Variants in GRIK1 observed in about 807,000 individuals in gnomAD.
The protein encoded by GRIK1 is glutamate ionotropic receptor kainate type subunit 1.
A neutral mutation model predicts 105.7 loss-of-function variants in GRIK1; 69 were observed. The observed-to-expected ratio is 0.65, with a 90% CI of 0.54 to 0.80. The LOEUF is 0.80. GRIK1 is among the 30% of genes least tolerant of loss of function. GRIK1 has a pLI of 0.00. For missense variants in GRIK1, 1,109 were observed against 1,167.3 expected (o/e 0.95, Z 0.73); for synonymous variants, 438 against 431.3 (o/e 1.02, Z -0.19).
chr21:29,742,735 G>A (rs1241384419), intron 1 of GRIK1, among the ~76,000 whole-genome samples: 1 of 152,148 alleles, frequency 6.6e-6, no homozygotes, highest in African/African-American at 2.4e-5. Context: ...TCTAGTACTT[G>A]TATGGTTTCA....
intron 3 of GRIK1, among the ~76,000 whole-genome samples, chr21:29,686,834 A>G (rs573737732): frequency 5.0e-4 from 76 of 152,190 alleles, no homozygotes; most frequent in Non-Finnish European, 9.1e-4. Context: ...CACACACTGC[A>G]GTTGAGGCTC....
rs151307524 is a variant in GRIK1 at position 29,758,568 on chromosome 21, G to A, written c.119-64505C>T. Among the ~76,000 whole-genome samples the A allele has an allele frequency of 8.3e-3, 1,268 of 152,170 alleles. 21 individuals carry two copies. Among genetic ancestry groups the A allele is most frequent in the African/African-American group, 0.029 (1,186 of 41,500 alleles). ...TGCAATTCAAGATGAGATTTGGGTG[G>A]GCACACAGCCAAACCATATCACAGG... On this transcript the variant is annotated intron_variant, in intron 1 of 17. Transcript: ENST00000327783.
chr21:29,930,413 A>G (rs1040628646), intron 1 of GRIK1, among the ~76,000 whole-genome samples: 2 of 152,186 alleles, frequency 1.3e-5, no homozygotes, highest in Non-Finnish European at 2.9e-5. Context: ...GAGTCCTCAC[A>G]ATGAAAGAAA....
rs533773624 is a variant in GRIK1, at chr21:29,924,296, C to T, written c.118+15087G>A. On this transcript the variant is annotated intron_variant, in intron 1 of 17. Transcript: ENST00000327783. ...ACGTTGCAGTGAGCCGAGATCATGC[C>T]ACTGCACTCCAGCCTGGGCAACACA... Among the ~76,000 whole-genome samples, 19 of 148,920 alleles carry T rather than the reference C, an allele frequency of 1.3e-4. No individual in the cohort carries two copies. The East Asian group carries it at 3.8e-3, about 29-fold the overall frequency.
At chr21:29,597,083 T>G (rs1160758188) in intron 8 of GRIK1, among the ~76,000 whole-genome samples, 2 of 152,116 alleles carry the variant, frequency 1.3e-5, no homozygotes, top group African/African-American at 2.4e-5. Context: ...GAATGGGATT[T>G]TTCTAATAAT....
At chr21:29,540,378 T>C (rs545889906) in intron 16 of GRIK1, among the ~76,000 whole-genome samples, 2 of 152,308 alleles carry the variant, frequency 1.3e-5, no homozygotes, top group East Asian at 3.9e-4. Context: ...TTCTTTTTGA[T>C]TCTCACTTTG....
At chr21:29,780,880 G>T (rs2066078579) in intron 1 of GRIK1, among the ~76,000 whole-genome samples, 1 of 152,120 alleles carries the variant, frequency 6.6e-6, no homozygotes. Context: ...TTATATGAAA[G>T]ACATGTCAGG....
intron 7 of GRIK1, among the ~76,000 whole-genome samples, chr21:29,640,681 G>A (rs1047643903): frequency 1.4e-4 from 21 of 152,048 alleles, no homozygotes; most frequent in African/African-American, 5.1e-4. Context: ...AAGGTGTCTT[G>A]GGGGCTCTTG....
Position 29,694,012 on chromosome 21 carries a change from G to GCTAATTCT in GRIK1, c.162_169dup (p.Ala57GlufsTer3). On this transcript the variant is annotated stop_gained and frameshift_variant, in exon 2 of 18. Transcript: ENST00000327783. LOFTEE classifies it high-confidence loss of function. Reference sequence around the variant, plus strand: ...AATGCTGGTGACTGCAAACTTGAAAGCTAATTCTTCAACATTAACAGGCTC... The same window carrying GCTAATTCT: ...AATGCTGGTGACTGCAAACTTGAAAGCTAATTCTCTAATTCTTCAACATTAACAGGCTC... 2 of 1,612,292 alleles carry GCTAATTCT rather than the reference G, an allele frequency of 1.2e-6. No homozygotes were observed. Among genetic ancestry groups the GCTAATTCT allele is most frequent in the Non-Finnish European group, 1.7e-6 (2 of 1,178,572 alleles).
chr21:29,640,524 G>T (rs1363035522), intron 7 of GRIK1, among the ~76,000 whole-genome samples: 1 of 152,164 alleles, frequency 6.6e-6, no homozygotes, highest in Non-Finnish European at 1.5e-5. Flanking sequence ...GATTAAAAAT[G>T]AGAGATTTGC....
In GRIK1 at chr21:29,651,236, C is replaced by G; in HGVS notation, c.836G>C (p.Gly279Ala). Reference sequence around the variant, plus strand: ...GTTGTCAATGTTAAGCAGCCGAAACCCGGTCATGTTTACGCCACTGTACCT... The same window carrying G: ...GTTGTCAATGTTAAGCAGCCGAAACGCGGTCATGTTTACGCCACTGTACCT... Reference protein sequence around the residue: ...LYRYSGVNMTGFRLLNIDNPH... With the variant: ...LYRYSGVNMTAFRLLNIDNPH... The change falls in exon 6 of 18, where the codon GGG (glycine) becomes GCG (alanine). Residue 279 changes from glycine (G) to alanine (A), a missense_variant. Physicochemically the swap from Gly to Ala is moderately conservative, Grantham distance 60 (BLOSUM62 0). This residue lies in a region of GRIK1 where 612 missense variants were observed against 586.0 expected (regional missense o/e 1.04). Coordinates refer to ENST00000327783, the MANE Select transcript of GRIK1 (RefSeq NM_001330994.2). 1.2e-6 allele frequency: 2 copies of G among 1,613,724 alleles called. No individual in the cohort carries two copies. Among genetic ancestry groups the G allele is most frequent in the Non-Finnish European group, 1.7e-6 (2 of 1,179,650 alleles).
At chr21:29,808,489 A>G (rs1485332516) in intron 1 of GRIK1, among the ~76,000 whole-genome samples, 1 of 152,146 alleles carries the variant, frequency 6.6e-6, no homozygotes, top group Non-Finnish European at 1.5e-5. Flanking sequence ...TGCCAATCTG[A>G]TATGCTATAT....
At chr21:29,824,304 A>G (rs2067386005) in intron 1 of GRIK1, among the ~76,000 whole-genome samples, 1 of 152,034 alleles carries the variant, frequency 6.6e-6, no homozygotes. Context: ...ATTCACTGAA[A>G]ACATTTTTGT....
At chr21:29,904,528 C>T (rs1215113214) in intron 1 of GRIK1, among the ~76,000 whole-genome samples, 1 of 152,176 alleles carries the variant, frequency 6.6e-6, no homozygotes, top group Non-Finnish European at 1.5e-5. Context: ...ATAGACTGAT[C>T]AGTGCAGGGT....
chr21:29,775,100 C>T (rs974077067), intron 1 of GRIK1, among the ~76,000 whole-genome samples: 9 of 151,874 alleles, frequency 5.9e-5, no homozygotes, highest in Non-Finnish European at 1.0e-4. Flanking sequence ...TGGCAGATCA[C>T]GAGGTCAGGA....
intron 7 of GRIK1, among the ~76,000 whole-genome samples, chr21:29,614,705 G>A (rs947149142): frequency 6.6e-6 from 1 of 151,226 alleles, no homozygotes; most frequent in African/African-American, 2.5e-5. Flanking sequence ...GAGCCACCGC[G>A]CCCAGCCCCC....
intron 1 of GRIK1, among the ~76,000 whole-genome samples, chr21:29,771,967 C>A (rs2065824425): frequency 6.6e-6 from 1 of 152,210 alleles, no homozygotes; most frequent in Admixed American, 6.5e-5. Context: ...CAGATCCATT[C>A]TTTTTAGTTG....
chr21:29,692,990 G>C (rs1442303345), intron 2 of GRIK1, among the ~76,000 whole-genome samples: 1 of 152,202 alleles, frequency 6.6e-6, no homozygotes, highest in Non-Finnish European at 1.5e-5. Context: ...GATCTAACTA[G>C]ATTAATTCTA....
chr21:29,720,020 C>G lies in GRIK1; in HGVS notation c.119-25957G>C, dbSNP rs765604076. On this transcript the variant is annotated intron_variant, in intron 1 of 17. Coordinates refer to ENST00000327783, the MANE Select transcript of GRIK1 (RefSeq NM_001330994.2). Reference sequence around the variant, plus strand: ...AATACTTTTAAGTAGGAAAAGGATCCAAGCTGCTCAAGACTTCATTAAAAT... The same window carrying G: ...AATACTTTTAAGTAGGAAAAGGATCGAAGCTGCTCAAGACTTCATTAAAAT... 7.9e-5 allele frequency among the ~76,000 whole-genome samples: 12 copies of G among 152,262 alleles called. 1 individual carries two copies. In the South Asian group the frequency reaches 1.0e-3, roughly 13 times the overall value.
Sources: gnomAD v4.1 joint callset for allele counts (sites outside exome capture counted in the v4.1 genomes callset) on GRCh38, gnomAD v4.1.1 for gene constraint, gnomAD v4.1.1 regional missense constraint, MANE v1.5 for transcripts, NCBI Gene and HGNC (gene_info 2026-07-23, HGNC 2026-07-21) for gene names.